The following CNOT1 variants were observed in gnomAD, a reference collection of about 807,000 sequenced individuals.
CNOT1 encodes CCR4-NOT transcription complex subunit 1.
A neutral mutation model predicts 273.8 loss-of-function variants in CNOT1; 15 were observed. The ratio of observed to expected loss-of-function variants is 0.05; its 90% CI spans 0.04 to 0.08. The LOEUF (loss-of-function observed/expected upper bound fraction) is 0.08. Among genes scored for constraint, CNOT1 ranks in the 10% least tolerant of loss-of-function variants. The probability of loss-of-function intolerance (pLI) is 1.00; values close to 1 mark genes in which losing one functional copy is unlikely to be tolerated. For missense variants in CNOT1, 1,644 were observed against 2,912.2 expected, an observed-to-expected ratio of 0.56 and a Z score of 10.02; for synonymous variants, 1,022 against 1,005.5, an observed-to-expected ratio of 1.02 and a Z score of -0.31.
intron 47 of CNOT1, chr16:58,523,150 C>T (rs1362748219): frequency 9.4e-6 from 3 of 318,032 alleles, no homozygotes; most frequent in Non-Finnish European, 1.7e-5. Context: ...GAGGCTAAGG[C>T]ACGAGAATCG....
chr16:58,586,017 T>C (rs997197869), intron 7 of CNOT1, among the ~76,000 whole-genome samples: 1 of 151,448 alleles, frequency 6.6e-6, no homozygotes, highest in Non-Finnish European at 1.5e-5. Flanking sequence ...TTCTCAAACA[T>C]GAAAGCTCAG....
chr16:58,542,953 C>T (rs903082942), intron 31 of CNOT1, among the ~76,000 whole-genome samples: 16 of 152,146 alleles, frequency 1.1e-4, no homozygotes, highest in Non-Finnish European at 1.9e-4. Flanking sequence ...ATTAGTGGGG[C>T]GTGGTAGCAC....
chr16:58,532,541 G>A (rs2039803093), intron 40 of CNOT1, 146 bp from the exon 41 acceptor site: 2 of 1,374,012 alleles, frequency 1.5e-6, no homozygotes, highest in African/African-American at 2.9e-5. Context: ...CATGCTGGCA[G>A]CCGATAGGGT....
At chr16:58,556,046 AGTT>A in intron 19 of CNOT1, 138 bp from the exon 20 acceptor site, 1 of 1,439,784 alleles carries the variant, frequency 6.9e-7, no homozygotes. Flanking sequence ...TAAGCGGTCA[AGTT>A]TCAGTATTAA....
chr16:58,628,212 G>A (rs973381329), intron 1 of CNOT1, among the ~76,000 whole-genome samples: 1 of 152,294 alleles, frequency 6.6e-6, no homozygotes, highest in East Asian at 1.9e-4. Context: ...TTATCAACAT[G>A]CTATCATTTC....
At chr16:58,627,132 G>C (rs1034642930) in intron 1 of CNOT1, among the ~76,000 whole-genome samples, 1 of 152,008 alleles carries the variant, frequency 6.6e-6, no homozygotes, top group East Asian at 1.9e-4. Context: ...TTCTCGGCTG[G>C]GCACCGTGGC....
At position 58,555,548 on chromosome 16, in the gene CNOT1, A is replaced by C; in HGVS notation, c.2605-11T>G. ...CAGCATTTCTAATACCTGGAAAAGC[A>C]AGACAAAAACAACGCACACATAAAG... On this transcript the variant is annotated splice_polypyrimidine_tract_variant and intron_variant, in intron 20 of 48. Transcript: ENST00000317147. 3 of 1,608,928 alleles carry C rather than the reference A, an allele frequency of 1.9e-6. No individual in the cohort carries two copies. The highest frequency in any genetic ancestry group is 1.7e-6 in the Non-Finnish European group (2 of 1,178,350).
chr16:58,628,880 G>C (rs1359310061), intron 1 of CNOT1, among the ~76,000 whole-genome samples: 1 of 152,214 alleles, frequency 6.6e-6, no homozygotes, highest in African/African-American at 2.4e-5. Context: ...TTCTGCAAAG[G>C]AGGTGGTACT....
chr16:58,557,108 C>A (rs1362861963), intron 18 of CNOT1, 115 bp from the exon 19 acceptor site: 2 of 1,338,308 alleles, frequency 1.5e-6, no homozygotes, highest in Non-Finnish European at 2.0e-6. Context: ...GTAACTCTTA[C>A]TTTAAAAGTC....
Position 58,539,816 on chromosome 16 carries a change from T to A in CNOT1, c.4944A>T (p.Leu1648Phe), listed in dbSNP as rs200321615. The A allele has an allele frequency of 1.1e-5, 18 of 1,613,958 alleles. No homozygotes were observed. The highest frequency in any genetic ancestry group is 1.4e-5 in the Non-Finnish European group (17 of 1,180,016). ...CTATGGCATCCCGAGAGTTTCGAGA[T>A]AAAACTACAACCTCCAAGAGACTTC... ...ALRSLLEVVV[L>F]SRNSRDAIAA... The change falls in exon 35 of 49, where the codon TTA becomes TTT. Residue 1648 changes from leucine to phenylalanine, a missense_variant. Around this residue, in one of 13 missense-constraint regions of CNOT1, gnomAD observed 170 missense variants for 273.1 expected, o/e 0.62. Coordinates refer to ENST00000317147, the MANE Select transcript of CNOT1 (RefSeq NM_016284.5).
At chr16:58,628,335 G>A (rs545955748) in intron 1 of CNOT1, among the ~76,000 whole-genome samples, 3 of 152,228 alleles carry the variant, frequency 2.0e-5, no homozygotes, top group Admixed American at 6.5e-5. Flanking sequence ...GTTACCACAT[G>A]TCTTCTTAAT....
chr16:58,574,005 C>T (rs963008945), intron 16 of CNOT1, among the ~76,000 whole-genome samples: 1 of 151,946 alleles, frequency 6.6e-6, no homozygotes, highest in African/African-American at 2.4e-5. Flanking sequence ...AATCCCAGCA[C>T]TTTGGGAGGC....
Position 58,532,399 on chromosome 16 carries a change from C to T in CNOT1, c.5896-4G>A, listed in dbSNP as rs189289191. The T allele has an allele frequency of 9.3e-6, 15 of 1,610,908 alleles. No individual in the cohort carries two copies. Among genetic ancestry groups the T allele is most frequent in the African/African-American group, 4.0e-5 (3 of 74,828 alleles). On this transcript the variant is annotated splice_region_variant and splice_polypyrimidine_tract_variant and intron_variant, in intron 40 of 48. Transcript: ENST00000317147. ...CTCCCACTACTATACCAAGGACCTA[C>T]GTAAAACACAAATCAGAGCTTGTAA...
intron 16 of CNOT1, among the ~76,000 whole-genome samples, chr16:58,569,205 T>G (rs1158021989): frequency 1.3e-5 from 2 of 152,176 alleles, no homozygotes; most frequent in African/African-American, 4.8e-5. Context: ...TCAGTGTACC[T>G]TCCATCTCCT....
intron 2 of CNOT1, chr16:58,598,922 A>C (rs1010243779): frequency 6.1e-5 from 16 of 263,926 alleles, no homozygotes; most frequent in African/African-American, 2.6e-4. Context: ...ATGGTGGCAC[A>C]TGCCTGTAAT....
At chr16:58,583,269 A>G in intron 8 of CNOT1, 87 bp from the exon 9 acceptor site, 2 of 1,565,354 alleles carry the variant, frequency 1.3e-6, no homozygotes, top group Non-Finnish European at 1.7e-6. Context: ...CCTTGTTTGA[A>G]AGCCTTAGTT....
intron 14 of CNOT1, 119 bp downstream of exon 14, chr16:58,576,344 T>C (rs2041458272): frequency 7.0e-7 from 1 of 1,422,778 alleles, no homozygotes; most frequent in Admixed American, 2.1e-5. Context: ...ATTCCTGACC[T>C]TGTGGATCCG....
At chr16:58,523,259 A>G in intron 47 of CNOT1, 111 bp downstream of exon 47, 1 of 1,269,232 alleles carries the variant, frequency 7.9e-7, no homozygotes, top group Non-Finnish European at 1.1e-6. Flanking sequence ...AAACAAAAAA[A>G]AAACCAACCA....
Position 58,528,563 on chromosome 16 carries a change from G to A in CNOT1, c.6365C>T (p.Pro2122Leu). Reference sequence around the variant, plus strand: ...ATTTCTTAACTGGATACAATTAGGTGGGATCACATCACAGAACCCATAATG... The same window carrying A: ...ATTTCTTAACTGGATACAATTAGGTAGGATCACATCACAGAACCCATAATG... ...DYHYGFCDVIPPNCIQLRNLI... is the reference protein window; with the variant it reads ...DYHYGFCDVILPNCIQLRNLI... The change falls in exon 44 of 49, where the codon CCA becomes CTA. Residue 2122 changes from proline (P) to leucine (L), a missense_variant. By Grantham distance (98) the Pro-to-Leu change is moderately conservative (BLOSUM62 -3). This residue lies in a region of CNOT1 where 140 missense variants were observed against 324.6 expected (regional missense o/e 0.43). Coordinates refer to ENST00000317147, the MANE Select transcript of CNOT1 (RefSeq NM_016284.5). The A allele has an allele frequency of 6.2e-7, 1 of 1,612,720 alleles. No individual in the cohort carries two copies. The highest frequency in any genetic ancestry group is 8.5e-7 in the Non-Finnish European group (1 of 1,178,778).
Sources: gnomAD v4.1 joint callset for allele counts (sites outside exome capture counted in the v4.1 genomes callset) on GRCh38, gnomAD v4.1.1 for gene constraint, gnomAD v4.1.1 regional missense constraint, MANE v1.5 for transcripts, NCBI Gene and HGNC (gene_info 2026-07-23, HGNC 2026-07-21) for gene names.